The following IFT122 variants were observed in gnomAD, a reference collection of about 807,000 sequenced individuals.
The protein encoded by IFT122 is intraflagellar transport protein 122 homolog.
IFT122 carries 118 observed loss-of-function variants against 161.6 expected under a neutral mutation model. That is an observed-to-expected ratio of 0.73 (90% CI 0.63 to 0.85). The LOEUF is 0.85. Among genes scored for constraint, IFT122 ranks in the 40% least tolerant of loss-of-function variants. The pLI is 0.00. For synonymous variants in IFT122, 550 were observed against 602.4 expected (o/e 0.91, Z 1.27); for missense variants, 1,381 against 1,579.6 (o/e 0.87, Z 2.13).
At chr3:129,507,157 C>T (rs1038110324) in intron 22 of IFT122, among the ~76,000 whole-genome samples, 1 of 152,202 alleles carries the variant, frequency 6.6e-6, no homozygotes, top group Non-Finnish European at 1.5e-5. Flanking sequence ...GTCCTGGTCC[C>T]TTTGGTTGCT....
Position 129,469,562 on chromosome 3 carries a change from T to C in IFT122, c.816+145T>C. The C allele has an allele frequency of 5.6e-6, 4 of 713,782 alleles. No individual in the cohort carries two copies. In the South Asian group the frequency reaches 6.1e-5, roughly 11 times the overall value. The allele number at this position is 713,782 out of a possible 1,614,324, so 44.2% of individuals were successfully genotyped here. A position where few individuals can be genotyped will look rare whatever the true frequency, so the allele number is the denominator to read the frequency against. On this transcript the variant is annotated intron_variant, in intron 9 of 29. Transcript: ENST00000348417. ...TGGTACCAGATACTGTGCTCACTGC[T>C]TTGCATACTTTATCCTATTTTATTC...
chr3:129,473,904 T>C (rs1432729329), intron 9 of IFT122, among the ~76,000 whole-genome samples: 1 of 150,206 alleles, frequency 6.7e-6, no homozygotes, highest in Admixed American at 6.7e-5. Context: ...TTGTTGTTTA[T>C]AGTTGGTCCA....
At chr3:129,514,759 C>G in intron 25 of IFT122, 1 of 676,082 alleles carries the variant, frequency 1.5e-6, no homozygotes, top group Non-Finnish European at 2.6e-6. Flanking sequence ...CTGGCGCCCG[C>G]TCACAGCCCC....
Position 129,479,800 on chromosome 3 carries a change from T to C in IFT122, c.1366T>C (p.Cys456Arg). The C allele has an allele frequency of 1.2e-6, 2 of 1,614,046 alleles. No individual in the cohort carries two copies. The highest frequency in any genetic ancestry group is 1.7e-6 in the Non-Finnish European group (2 of 1,180,030). ...IILCQEKRLQCLSFSGVKERE... is the reference protein window; with the variant it reads ...IILCQEKRLQRLSFSGVKERE... ...TGCTTCCTAGGAGAAACGGCTGCAG[T>C]GCCTGTCCTTCAGCGGAGTGAAGGA... Residue 456 changes from cysteine (C) to arginine (R), a missense_variant, in exon 13 of 30, where the codon TGC becomes CGC. Physicochemically the swap from Cys to Arg is radical, Grantham distance 180. This residue lies in a region of IFT122 where 544 missense variants were observed against 648.0 expected (regional missense o/e 0.84). Transcript: ENST00000348417.
At chr3:129,495,652 T>A in intron 18 of IFT122, 45 bp downstream of exon 18, 1 of 1,607,756 alleles carries the variant, frequency 6.2e-7, no homozygotes, top group East Asian at 2.2e-5. Context: ...TGGAGCCCAC[T>A]GGTATTCTCA....
rs397515568 is a variant in IFT122, at chr3:129,479,917, G to A, written c.1483G>A (p.Gly495Arg). Reference protein sequence around the residue: ...REGLLVGLKNGQILKIFVDNL... With the variant: ...REGLLVGLKNRQILKIFVDNL... The stretch of plus-strand genomic sequence containing the variant: ...AGGCCTCTTAGTGGGGCTGAAGAAT[G>A]GACAGGTGAGTGCTCCCTCACGTCT... The change falls in exon 13 of 30, where the codon GGA (glycine) becomes AGA (arginine). Residue 495 changes from glycine (G) to arginine (R), a missense_variant. This residue lies in a region of IFT122 where 544 missense variants were observed against 648.0 expected (regional missense o/e 0.84). Transcript: ENST00000348417. 2 of 1,613,780 alleles carry A rather than the reference G, an allele frequency of 1.2e-6. No homozygotes were observed. The highest frequency in any genetic ancestry group is 2.2e-5 in the East Asian group (1 of 44,888).
chr3:129,500,810 G>A (rs1361834646), intron 19 of IFT122, among the ~76,000 whole-genome samples: 4 of 152,170 alleles, frequency 2.6e-5, no homozygotes, highest in South Asian at 4.1e-4. Context: ...AAGGGCCTCC[G>A]ATGCCAAACG....
At chr3:129,510,440 T>C (rs1221484166) in intron 23 of IFT122, among the ~76,000 whole-genome samples, 2 of 152,108 alleles carry the variant, frequency 1.3e-5, no homozygotes, top group Admixed American at 1.3e-4. Context: ...TCCCTTACAG[T>C]CTTTGGCTTT....
chr3:129,441,258 T>A (rs1018156600), intron 1 of IFT122, among the ~76,000 whole-genome samples: 15 of 152,312 alleles, frequency 9.8e-5, no homozygotes, highest in African/African-American at 3.4e-4. Context: ...TTTGGTTCTG[T>A]CCCTTCTGAG....
chr3:129,441,137 C>T (rs549071527), intron 1 of IFT122, among the ~76,000 whole-genome samples: 7 of 152,314 alleles, frequency 4.6e-5, no homozygotes, highest in African/African-American at 1.2e-4. Flanking sequence ...TATAACATAG[C>T]AGTCTGTTTT....
At chr3:129,517,876 C>CT (rs918626287) in intron 27 of IFT122, among the ~76,000 whole-genome samples, 2 of 152,230 alleles carry the variant, frequency 1.3e-5, no homozygotes, top group African/African-American at 4.8e-5. Flanking sequence ...GGCTGTGCCT[C>CT]TGTCTGTGCA....
chr3:129,468,276 A>G (rs1044173416), intron 8 of IFT122, among the ~76,000 whole-genome samples: 1 of 152,218 alleles, frequency 6.6e-6, no homozygotes, highest in Admixed American at 6.5e-5. Context: ...GGGATCAGAA[A>G]AGCTGGAATT....
intron 3 of IFT122, among the ~76,000 whole-genome samples, chr3:129,454,697 G>C (rs758537947): frequency 6.6e-6 from 1 of 152,070 alleles, no homozygotes; most frequent in South Asian, 2.1e-4. Flanking sequence ...GGCCCAGTAG[G>C]TACAGAAGAG....
chr3:129,478,161 C>G lies in IFT122; in HGVS notation c.1293C>G (p.Ile431Met). 1 of 1,614,176 alleles carries G rather than the reference C, an allele frequency of 6.2e-7. No individual in the cohort carries two copies. The highest frequency in any genetic ancestry group is 8.5e-7 in the Non-Finnish European group (1 of 1,180,024). ...DMHYRVKEKI[I>M]KKFECNLLVV... ...ATTACCGGGTAAAGGAGAAGATTATCAAGAAGTTTGAGTGCAACCTCCTGG... is the reference window on the plus strand; with the variant it reads ...ATTACCGGGTAAAGGAGAAGATTATGAAGAAGTTTGAGTGCAACCTCCTGG... The change falls in exon 12 of 30, where the codon ATC becomes ATG. Residue 431 changes from isoleucine (I) to methionine (M), a missense_variant. Ile to Met is a conservative substitution (Grantham distance 10). Transcript: ENST00000348417.
At chr3:129,500,904 A>C (rs1253190587) in intron 19 of IFT122, among the ~76,000 whole-genome samples, 3 of 152,202 alleles carry the variant, frequency 2.0e-5, no homozygotes, top group Non-Finnish European at 2.9e-5. Context: ...AGACCAGATA[A>C]CTGGCTAGTG....
chr3:129,476,943 T>G (rs1577593324), intron 11 of IFT122, 142 bp downstream of exon 11: 1 of 905,534 alleles, frequency 1.1e-6, no homozygotes, highest in Non-Finnish European at 1.7e-6. Flanking sequence ...GTGTCTTGTT[T>G]TCTTTTTTTT....
chr3:129,450,718 T>G (rs1164905458), intron 2 of IFT122, among the ~76,000 whole-genome samples: 1 of 117,144 alleles, frequency 8.5e-6, no homozygotes, highest in Non-Finnish European at 1.7e-5. Context: ...TGTGTGTTTT[T>G]TTTTTTTTTT....
chr3:129,493,606 C>T (rs1408386608), intron 17 of IFT122, among the ~76,000 whole-genome samples: 4 of 152,236 alleles, frequency 2.6e-5, no homozygotes, highest in Non-Finnish European at 5.9e-5. Flanking sequence ...AGCTCATGCT[C>T]TCTCGGCCAC....
chr3:129,506,403 C>T lies in IFT122; in HGVS notation c.2651-6C>T. 3 of 1,613,646 alleles carry T rather than the reference C, an allele frequency of 1.9e-6. No individual in the cohort carries two copies. Among genetic ancestry groups the T allele is most frequent in the Non-Finnish European group, 2.5e-6 (3 of 1,179,996 alleles). On this transcript the variant is annotated splice_region_variant and splice_polypyrimidine_tract_variant and intron_variant, in intron 21 of 29. Transcript: ENST00000348417. The stretch of plus-strand genomic sequence containing the variant: ...TGCTTTTTTCCTCCCTCCACCACTC[C>T]TACAGCGTTCCACAAGGCTGGGCGA...
Sources: gnomAD v4.1 joint callset for allele counts (sites outside exome capture counted in the v4.1 genomes callset) on GRCh38, gnomAD v4.1.1 for gene constraint, gnomAD v4.1.1 regional missense constraint, MANE v1.5 for transcripts, NCBI Gene and HGNC (gene_info 2026-07-23, HGNC 2026-07-21) for gene names.